Variants in RECK observed in about 807,000 individuals in gnomAD.
RECK encodes reversion inducing cysteine rich protein with kazal motifs, also known as reversion-inducing cysteine-rich protein with Kazal motifs.
Under a neutral mutation model 115.1 loss-of-function variants are expected in RECK, and 69 were observed. The observed-to-expected ratio is 0.60, with a 90% CI of 0.49 to 0.73. The LOEUF (loss-of-function observed/expected upper bound fraction) is 0.73. Ranked by LOEUF, RECK falls within the 30% of genes least tolerant of loss-of-function variation. The probability of loss-of-function intolerance (pLI) is 0.00; values close to 1 mark genes in which losing one functional copy is unlikely to be tolerated. For synonymous variants in RECK, 414 were observed against 419.7 expected, an observed-to-expected ratio of 0.99 and a Z score of 0.17; for missense variants, 1,047 against 1,203.7, an observed-to-expected ratio of 0.87 and a Z score of 1.93.
intron 7 of RECK, 63 bp from the exon 8 acceptor site, chr9:36,083,302 T>C (rs1822802406): frequency 6.8e-7 from 1 of 1,469,814 alleles, no homozygotes; most frequent in Non-Finnish European, 9.4e-7. Context: ...ATCATTATGA[T>C]GATGATTTAA....
At chr9:36,040,208 TG>T (rs1399474019) in intron 1 of RECK, among the ~76,000 whole-genome samples, 1 of 152,142 alleles carries the variant, frequency 6.6e-6, no homozygotes, top group Admixed American at 6.5e-5. Flanking sequence ...TGTAACAAAA[TG>T]ATTTCTAGGT....
At chr9:36,112,231 T>G (rs1824079224) in intron 15 of RECK, 74 bp from the exon 16 acceptor site, 2 of 1,427,650 alleles carry the variant, frequency 1.4e-6, no homozygotes, top group Admixed American at 3.5e-5. Flanking sequence ...TGCTCATGGT[T>G]TGCCTTAACA....
chr9:36,104,743 C>T (rs916407715), intron 12 of RECK, among the ~76,000 whole-genome samples: 16 of 151,648 alleles, frequency 1.1e-4, no homozygotes, highest in South Asian at 2.1e-4. Context: ...TCCTGGCCTC[C>T]GGTGATCCGC....
chr9:36,058,015 G>A (rs981457541), intron 2 of RECK, among the ~76,000 whole-genome samples: 1 of 150,664 alleles, frequency 6.6e-6, no homozygotes, highest in Non-Finnish European at 1.5e-5. Context: ...AGGTGCTGGA[G>A]AGGATGTGGA....
chr9:36,123,165 G>C lies in RECK; in HGVS notation c.*120G>C. 1.5e-6 allele frequency: 1 copy of C among 681,992 alleles called. No individual in the cohort carries two copies. The highest frequency in any genetic ancestry group is 2.4e-6 in the Non-Finnish European group (1 of 414,928). The allele number at this position is 681,992 out of a possible 1,614,324, so 42.2% of individuals were successfully genotyped here. ...GGAAAGGCACATGTCACCTCTATTC[G>C]CCACACAGTATTTTTTTTTTTAATC... On this transcript the variant is annotated 3_prime_UTR_variant, in exon 21 of 21. Coordinates refer to ENST00000377966, the MANE Select transcript of RECK (RefSeq NM_021111.3).
Position 36,063,781 on chromosome 9 carries a change from A to G in RECK, c.272-14A>G. 6.2e-7 allele frequency: 1 copy of G among 1,612,936 alleles called. No individual in the cohort carries two copies. Among genetic ancestry groups the G allele is most frequent in the Non-Finnish European group, 8.5e-7 (1 of 1,179,060 alleles). ...CTACTTATGACCAAAACATTTAAAC[A>G]TTTTGTTTTTAAGGTGTGTTTAAGA... On this transcript the variant is annotated splice_polypyrimidine_tract_variant and intron_variant, in intron 4 of 20. Transcript: ENST00000377966.
chr9:36,101,866 A>G (rs1823575689), intron 11 of RECK, among the ~76,000 whole-genome samples: 1 of 152,240 alleles, frequency 6.6e-6, no homozygotes, highest in African/African-American at 2.4e-5. Context: ...TAGTAACAGT[A>G]CGAAGAAGTG....
intron 1 of RECK, among the ~76,000 whole-genome samples, chr9:36,044,007 T>C (rs1336374753): frequency 1.3e-5 from 2 of 152,160 alleles, no homozygotes; most frequent in Non-Finnish European, 2.9e-5. Context: ...CTGTGAAGAA[T>C]GATGATGGTA....
At chr9:36,045,103 C>G (rs1002199390) in intron 1 of RECK, among the ~76,000 whole-genome samples, 1 of 152,174 alleles carries the variant, frequency 6.6e-6, no homozygotes, top group Non-Finnish European at 1.5e-5. Context: ...TCTATCCATA[C>G]ATACATACAG....
At chr9:36,077,132 A>G (rs1034603935) in intron 6 of RECK, among the ~76,000 whole-genome samples, 1 of 152,148 alleles carries the variant, frequency 6.6e-6, no homozygotes, top group African/African-American at 2.4e-5. Flanking sequence ...CTTGACTAAC[A>G]TGAGTAGGGG....
At chr9:36,079,940 C>T (rs1822616128) in intron 6 of RECK, among the ~76,000 whole-genome samples, 2 of 152,162 alleles carry the variant, frequency 1.3e-5, no homozygotes, top group Non-Finnish European at 2.9e-5. Context: ...ATTATAGTCT[C>T]AAACTCGCTT....
chr9:36,092,521 G>A lies in RECK; in HGVS notation c.1085+1178G>A, dbSNP rs189038248. The stretch of plus-strand genomic sequence containing the variant: ...CTCCCAAGTAGCTGGGATTACAGGC[G>A]CCTGCCACCACACCCAGCTAATTTT... On this transcript the variant is annotated intron_variant, in intron 10 of 20. Transcript: ENST00000377966. Among the ~76,000 whole-genome samples, 10 of 148,198 alleles carry A rather than the reference G, an allele frequency of 6.7e-5. No individual in the cohort carries two copies. The East Asian group carries it at 1.4e-3, about 21-fold the overall frequency.
chr9:36,058,821 A>C lies in RECK; in HGVS notation c.160-6A>C. 1 of 1,569,342 alleles carries C rather than the reference A, an allele frequency of 6.4e-7. No individual in the cohort carries two copies. The highest frequency in any genetic ancestry group is 8.6e-7 in the Non-Finnish European group (1 of 1,160,668). ...CCACAAAAACTTTTTTTTTTTTGTC[A>C]AATAGATTTTCTCCTCAAAAAGTGA... On this transcript the variant is annotated splice_polypyrimidine_tract_variant and splice_region_variant and intron_variant, in intron 2 of 20. Coordinates refer to ENST00000377966, the MANE Select transcript of RECK (RefSeq NM_021111.3).
intron 1 of RECK, among the ~76,000 whole-genome samples, chr9:36,051,621 C>T (rs1821305436): frequency 6.6e-6 from 1 of 152,184 alleles, no homozygotes; most frequent in South Asian, 2.1e-4. Flanking sequence ...TCTGACTATT[C>T]CATCTCAGTC....
intron 11 of RECK, 99 bp downstream of exon 11, chr9:36,100,642 C>T: frequency 1.2e-6 from 1 of 835,670 alleles, no homozygotes; most frequent in Non-Finnish European, 1.9e-6. Flanking sequence ...TTACCACTTC[C>T]TTTGCCTATC....
chr9:36,043,791 T>C (rs1380062152), intron 1 of RECK, among the ~76,000 whole-genome samples: 1 of 152,174 alleles, frequency 6.6e-6, no homozygotes, highest in African/African-American at 2.4e-5. Context: ...TTCCCCACTT[T>C]ACGTTTTCAT....
At chr9:36,111,625 C>T (rs1824047676) in intron 15 of RECK, among the ~76,000 whole-genome samples, 1 of 152,108 alleles carries the variant, frequency 6.6e-6, no homozygotes, top group Non-Finnish European at 1.5e-5. Context: ...AACTCCCGAC[C>T]TCAGGTGATC....
intron 20 of RECK, 36 bp from the exon 21 acceptor site, chr9:36,122,787 TG>T (rs1824509167): frequency 6.4e-7 from 1 of 1,556,016 alleles, no homozygotes; most frequent in Admixed American, 1.7e-5. Flanking sequence ...AAACGTTCTG[TG>T]GTTTTATATT....
chr9:36,062,491 T>A (rs1393766977), intron 4 of RECK, among the ~76,000 whole-genome samples: 1 of 151,442 alleles, frequency 6.6e-6, no homozygotes, highest in Non-Finnish European at 1.5e-5. Flanking sequence ...TGGTTTTTTG[T>A]TTTTTTGAGA....
Sources: gnomAD v4.1 joint callset for allele counts (sites outside exome capture counted in the v4.1 genomes callset) on GRCh38, gnomAD v4.1.1 for gene constraint, MANE v1.5 for transcripts, NCBI Gene and HGNC (gene_info 2026-07-23, HGNC 2026-07-21) for gene names.